Variants in LAMA3 observed in about 807,000 individuals in gnomAD.
LAMA3 encodes the protein laminin subunit alpha 3.
A neutral mutation model predicts 402.0 loss-of-function variants in LAMA3; 281 were observed. That is an observed-to-expected ratio of 0.70 (90% CI 0.63 to 0.77). The LOEUF (loss-of-function observed/expected upper bound fraction) is 0.77, where lower values mean the gene tolerates loss of function less well. Among genes scored for constraint, LAMA3 ranks in the 30% least tolerant of loss-of-function variants. The probability of loss-of-function intolerance (pLI) is 0.00; values close to 1 mark genes in which losing one functional copy is unlikely to be tolerated. For missense variants in LAMA3, 3,840 were observed against 4,215.5 expected (o/e 0.91, Z 2.47); for synonymous variants, 1,431 against 1,558.4 (o/e 0.92, Z 1.93).
rs768883965 is a variant in LAMA3 at position 23,939,291 on chromosome 18, T to G, written c.8931T>G (p.Leu2977=). The G allele has an allele frequency of 6.2e-7, 1 of 1,614,190 alleles. No individual in the cohort carries two copies. Among genetic ancestry groups the G allele is most frequent in the South Asian group, 1.1e-5 (1 of 91,074 alleles). ...VKVWQDACSP[L]PKTQANHGAL... ...TGTGGCAAGATGCTTGCTCACCACT[T>G]CCCAAGACCCAGGCCAATCATGGAG... The change falls in exon 68 of 75, where the codon CTT becomes CTG. Residue 2977 remains leucine (L), a synonymous_variant. Coordinates refer to ENST00000313654, the MANE Select transcript of LAMA3 (RefSeq NM_198129.4).
chr18:23,781,731 T>C (rs1043547474), intron 11 of LAMA3, among the ~76,000 whole-genome samples: 2 of 152,192 alleles, frequency 1.3e-5, no homozygotes, highest in African/African-American at 4.8e-5. Flanking sequence ...AAGAATGCTG[T>C]CTTCCTGGTA....
rs1408234438 is a variant in LAMA3 at position 23,867,904 on chromosome 18, T to C, written c.4754T>C (p.Val1585Ala). Residue 1585 changes from valine to alanine, a missense_variant, in exon 37 of 75, where the codon GTG becomes GCG. Physicochemically the swap from Val to Ala is moderately conservative, Grantham distance 64 (BLOSUM62 0). Transcript: ENST00000313654. Reference protein sequence around the residue: ...PRPDRLHHGRVHVVEGNFRHA... With the variant: ...PRPDRLHHGRAHVVEGNFRHA... ...CCAGACCGGCTGCATCATGGACGAG[T>C]GCACGTGGTCGAGGTAAAGGAAGAG... 19 of 1,613,788 alleles carry C rather than the reference T, an allele frequency of 1.2e-5. No homozygotes were observed. The highest frequency in any genetic ancestry group is 2.7e-5 in the African/African-American group (2 of 74,904).
At chr18:23,712,413 C>A (rs2061010021) in intron 1 of LAMA3, among the ~76,000 whole-genome samples, 1 of 150,710 alleles carries the variant, frequency 6.6e-6, no homozygotes. Context: ...TCATTAAGCA[C>A]CATATTATGA....
At chr18:23,757,705 C>G (rs2061879652) in intron 6 of LAMA3, among the ~76,000 whole-genome samples, 1 of 152,234 alleles carries the variant, frequency 6.6e-6, no homozygotes, top group Non-Finnish European at 1.5e-5. Flanking sequence ...TTTGAATCCT[C>G]TTTCAAGTAC....
chr18:23,895,964 AT>A lies in LAMA3; in HGVS notation c.5613+907del, dbSNP rs901467896. 3.3e-5 allele frequency among the ~76,000 whole-genome samples: 5 copies of A among 152,184 alleles called. 1 individual carries two copies. Among genetic ancestry groups the A allele is most frequent in the East Asian group, 3.9e-4 (2 of 5,184 alleles). The stretch of plus-strand genomic sequence containing the variant: ...TTAGCTGTATCCCACACACCTTGCA[AT>A]GTTATGTTTTCATTCTCATTCAGTT... On this transcript the variant is annotated intron_variant, in intron 44 of 74. Coordinates refer to ENST00000313654, the MANE Select transcript of LAMA3 (RefSeq NM_198129.4).
rs1109950 is a variant in LAMA3 at position 23,834,146 on chromosome 18, G to A, written c.2984+158G>A. ...GTTGTGTGGCCCAACGTCATCACCAGTGTGGGTATTGGGAGTCCTCTCTAT... is the reference window on the plus strand; with the variant it reads ...GTTGTGTGGCCCAACGTCATCACCAATGTGGGTATTGGGAGTCCTCTCTAT... On this transcript the variant is annotated intron_variant, in intron 24 of 74. Coordinates refer to ENST00000313654, the MANE Select transcript of LAMA3 (RefSeq NM_198129.4). 594,404 of 786,438 alleles carry A rather than the reference G, an allele frequency of 0.76. 226,807 individuals carry two copies. Among genetic ancestry groups the A allele is most frequent in the African/African-American group, 0.95 (56,251 of 59,334 alleles). The allele number at this position is 786,438 out of a possible 1,614,324, so 48.7% of individuals were successfully genotyped here.
At chr18:23,910,932 T>C (rs946611185) in intron 55 of LAMA3, among the ~76,000 whole-genome samples, 1 of 152,126 alleles carries the variant, frequency 6.6e-6, no homozygotes, top group Non-Finnish European at 1.5e-5. Flanking sequence ...TATGAAAAAA[T>C]GCATGGGAAT....
chr18:23,867,617 A>G lies in LAMA3; in HGVS notation c.4684-217A>G, dbSNP rs143769188. On this transcript the variant is annotated intron_variant, in intron 36 of 74. Coordinates refer to ENST00000313654, the MANE Select transcript of LAMA3 (RefSeq NM_198129.4). ...TTTTAAGCTATTTTTGTCCAAGGCA[A>G]TTTTCCTGATTTCCTATTTGTGAAA... Among the ~76,000 whole-genome samples the G allele has an allele frequency of 2.1e-3, 324 of 152,038 alleles. 1 individual carries two copies. The highest frequency in any genetic ancestry group is 7.2e-3 in the African/African-American group (299 of 41,492).
In LAMA3 at chr18:23,822,270, T is replaced by C; in HGVS notation, c.2323T>C (p.Leu775=). Reference sequence around the variant, plus strand: ...TTTTCAGAATGATGTAAGAATAACATTGAATGTAGGGAAGTCAAGTGGCTC... The same window carrying C: ...TTTTCAGAATGATGTAAGAATAACACTGAATGTAGGGAAGTCAAGTGGCTC... ...TSVQNDVRIT[L]NVGKSSGSLF... Residue 775 remains leucine, a synonymous_variant, in exon 20 of 75, where the codon TTG becomes CTG. Coordinates refer to ENST00000313654, the MANE Select transcript of LAMA3 (RefSeq NM_198129.4). 2 of 1,614,030 alleles carry C rather than the reference T, an allele frequency of 1.2e-6. No individual in the cohort carries two copies. Among genetic ancestry groups the C allele is most frequent in the South Asian group, 1.1e-5 (1 of 91,088 alleles).
intron 41 of LAMA3, among the ~76,000 whole-genome samples, chr18:23,889,040 G>A (rs1375170843): frequency 6.6e-6 from 1 of 152,056 alleles, no homozygotes; most frequent in African/African-American, 2.4e-5. Flanking sequence ...AAAAGGCTCA[G>A]GGCCAAAGGT....
chr18:23,836,144 CACAT>C (rs1325815318), intron 24 of LAMA3, among the ~76,000 whole-genome samples: 3 of 149,140 alleles, frequency 2.0e-5, no homozygotes, highest in Non-Finnish European at 3.0e-5. Context: ...CACACACACT[CACAT>C]AGGGGAGTGA....
intron 69 of LAMA3, among the ~76,000 whole-genome samples, chr18:23,945,111 C>T (rs935808375): frequency 8.6e-5 from 13 of 151,950 alleles, no homozygotes; most frequent in African/African-American, 1.7e-4. Context: ...CCAGCCTGGG[C>T]GACAGAGCAA....
chr18:23,839,026 G>A lies in LAMA3; in HGVS notation c.3191+148G>A, dbSNP rs2063642494. 5.8e-6 allele frequency: 4 copies of A among 692,838 alleles called. No individual in the cohort carries two copies. The East Asian group carries it at 1.1e-4, about 19-fold the overall frequency. The allele number at this position is 692,838 out of a possible 1,614,324, so 42.9% of individuals were successfully genotyped here. A position where few individuals can be genotyped will look rare whatever the true frequency, so the allele number is the denominator to read the frequency against. ...GGATTTAAAACAGAAAGAAAAACCA[G>A]CTAAATAATTTACCCCAGCAGTTTT... On this transcript the variant is annotated intron_variant, in intron 26 of 74. Coordinates refer to ENST00000313654, the MANE Select transcript of LAMA3 (RefSeq NM_198129.4). This position sits in a 1 kb window ranked among gnomAD's most constrained non-coding sequence, Gnocchi z 4.5.
chr18:23,709,221 C>T (rs1459412348), intron 1 of LAMA3, among the ~76,000 whole-genome samples: 1 of 152,026 alleles, frequency 6.6e-6, no homozygotes, highest in Non-Finnish European at 1.5e-5. Context: ...CAGGCAGGCA[C>T]CACCACACCC....
chr18:23,739,185 T>C (rs1374183871), intron 2 of LAMA3, among the ~76,000 whole-genome samples: 1 of 152,184 alleles, frequency 6.6e-6, no homozygotes, highest in African/African-American at 2.4e-5. Context: ...GGGCTTGTCA[T>C]TGTGACAACC....
chr18:23,692,542 G>A (rs950970245), intron 1 of LAMA3, among the ~76,000 whole-genome samples: 4 of 152,282 alleles, frequency 2.6e-5, no homozygotes, highest in Middle Eastern at 6.8e-3. Flanking sequence ...AAAGTGCTAG[G>A]ATTACAGGCA....
chr18:23,711,909 A>G (rs577574975), intron 1 of LAMA3, among the ~76,000 whole-genome samples: 2 of 152,354 alleles, frequency 1.3e-5, no homozygotes, highest in East Asian at 3.9e-4. Context: ...AATCATAAGC[A>G]TTCCCATTTT....
At chr18:23,781,506 T>G (rs1177925826) in intron 11 of LAMA3, among the ~76,000 whole-genome samples, 1 of 152,068 alleles carries the variant, frequency 6.6e-6, no homozygotes, top group African/African-American at 2.4e-5. Context: ...AGAAGGAAAA[T>G]CAAGACCCAA....
intron 70 of LAMA3, among the ~76,000 whole-genome samples, chr18:23,948,716 C>T (rs2082798204): frequency 6.6e-6 from 1 of 151,976 alleles, no homozygotes; most frequent in South Asian, 2.1e-4. Flanking sequence ...ACTACAGGCA[C>T]CTGCCACCAC....
Sources: allele counts gnomAD v4.1 joint callset (sites outside exome capture counted in the v4.1 genomes callset), GRCh38; gene constraint gnomAD v4.1.1; non-coding constraint Gnocchi (gnomAD v3.1); transcripts MANE v1.5; gene names NCBI Gene and HGNC (gene_info 2026-07-23, HGNC 2026-07-21).